The following SLC22A3 variants were observed in gnomAD, a reference collection of about 807,000 sequenced individuals.
SLC22A3 encodes the protein EMT organic cation transporter 3.
SLC22A3 carries 51 observed loss-of-function variants against 59.1 expected under a neutral mutation model. The ratio of observed to expected loss-of-function variants is 0.86; its 90% CI spans 0.69 to 1.09. The LOEUF (loss-of-function observed/expected upper bound fraction) is 1.09, where lower values mean the gene tolerates loss of function less well. SLC22A3 is among the 50% of genes least tolerant of loss of function. The probability of loss-of-function intolerance (pLI) is 0.00; values close to 1 mark genes in which losing one functional copy is unlikely to be tolerated. For synonymous variants in SLC22A3, 325 were observed against 292.0 expected, an observed-to-expected ratio of 1.11 and a Z score of -1.15; for missense variants, 711 against 726.3, an observed-to-expected ratio of 0.98 and a Z score of 0.24.
At chr6:160,366,792 A>G (rs930308541) in intron 1 of SLC22A3, among the ~76,000 whole-genome samples, 3 of 152,146 alleles carry the variant, frequency 2.0e-5, no homozygotes, top group East Asian at 1.9e-4. Context: ...AAAGCTGCCA[A>G]TGCTTAGGGC....
intron 7 of SLC22A3, among the ~76,000 whole-genome samples, chr6:160,442,344 G>A (rs188930405): frequency 5.3e-5 from 8 of 152,276 alleles, no homozygotes; most frequent in Non-Finnish European, 5.9e-5. Flanking sequence ...TGTCACCACC[G>A]CAAGGTATGC....
At chr6:160,374,002 T>G (rs1468838840) in intron 1 of SLC22A3, among the ~76,000 whole-genome samples, 1 of 152,166 alleles carries the variant, frequency 6.6e-6, no homozygotes. Context: ...CAGCCCCCTT[T>G]CCAGGGGAGA....
intron 5 of SLC22A3, among the ~76,000 whole-genome samples, chr6:160,430,354 CT>C (rs979811264): frequency 5.3e-5 from 8 of 152,066 alleles, no homozygotes; most frequent in Non-Finnish European, 1.2e-4. Context: ...CCCTGACTGT[CT>C]TTTTTCTGAC....
chr6:160,354,033 G>A (rs1352776267), intron 1 of SLC22A3, among the ~76,000 whole-genome samples: 1 of 152,200 alleles, frequency 6.6e-6, no homozygotes, highest in Non-Finnish European at 1.5e-5. Flanking sequence ...TAACTGGGGA[G>A]CGGGGGAAGC....
At chr6:160,357,482 A>G (rs1182455031) in intron 1 of SLC22A3, among the ~76,000 whole-genome samples, 6 of 152,184 alleles carry the variant, frequency 3.9e-5, no homozygotes, top group Non-Finnish European at 8.8e-5. Context: ...CCGTAAGCTG[A>G]TGCTTCTGAG....
At chr6:160,435,342 A>C (rs1178313709) in intron 5 of SLC22A3, among the ~76,000 whole-genome samples, 1 of 152,244 alleles carries the variant, frequency 6.6e-6, no homozygotes, top group Non-Finnish European at 1.5e-5. Context: ...CATGTTGTTT[A>C]AACTGGGACA....
At chr6:160,362,934 G>A (rs1004403481) in intron 1 of SLC22A3, among the ~76,000 whole-genome samples, 1 of 149,530 alleles carries the variant, frequency 6.7e-6, no homozygotes, top group African/African-American at 2.6e-5. Flanking sequence ...GGGACCCACG[G>A]ATACTTCGTT....
chr6:160,422,842 T>A (rs977031980), intron 5 of SLC22A3, among the ~76,000 whole-genome samples: 9 of 152,050 alleles, frequency 5.9e-5, no homozygotes, highest in South Asian at 4.2e-4. Context: ...TTTTTTTTTT[T>A]AAGTTATACT....
At chr6:160,450,872 C>A in intron 10 of SLC22A3, 124 bp from the exon 11 acceptor site, 1 of 901,282 alleles carries the variant, frequency 1.1e-6, no homozygotes, top group Non-Finnish European at 1.8e-6. Flanking sequence ...TTGTTGTTAC[C>A]TTAGAGTTGG....
chr6:160,409,521 A>C (rs971288037), intron 4 of SLC22A3, among the ~76,000 whole-genome samples: 4 of 147,694 alleles, frequency 2.7e-5, no homozygotes, highest in Admixed American at 6.8e-5. Context: ...ATTTATACTC[A>C]TTTGGGTATA....
At chr6:160,366,145 A>G (rs946271404) in intron 1 of SLC22A3, among the ~76,000 whole-genome samples, 1 of 152,124 alleles carries the variant, frequency 6.6e-6, no homozygotes, top group Non-Finnish European at 1.5e-5. Flanking sequence ...AAACACAATC[A>G]TGCCTTCCCA....
At chr6:160,416,084 T>C (rs945967683) in intron 5 of SLC22A3, among the ~76,000 whole-genome samples, 7 of 152,184 alleles carry the variant, frequency 4.6e-5, no homozygotes, top group African/African-American at 1.4e-4. Flanking sequence ...ACTCATTTCA[T>C]GGGTAGGCAA....
Position 160,443,696 on chromosome 6 carries a change from C to T in SLC22A3, c.1464C>T (p.Leu488=). The T allele has an allele frequency of 6.2e-7, 1 of 1,613,894 alleles. No homozygotes were observed. Among genetic ancestry groups the T allele is most frequent in the Non-Finnish European group, 8.5e-7 (1 of 1,179,888 alleles). Residue 488 remains leucine (L), a synonymous_variant, in exon 9 of 11, where the codon CTC becomes CTT. Transcript: ENST00000275300. ...DFGGIIAPFL[L]FRLAAVWLEL... is the part of the protein sequence containing the mutation. ...GGGGAATCATAGCCCCATTTCTGCT[C>T]TTTCGGCTAGCAGCCGTGTGGCTAG...
intron 5 of SLC22A3, among the ~76,000 whole-genome samples, chr6:160,432,779 A>T (rs2114907120): frequency 6.6e-6 from 1 of 152,334 alleles, no homozygotes; most frequent in Non-Finnish European, 1.5e-5. Flanking sequence ...TTAAACAATA[A>T]ATATCATATT....
rs1243362284 is a variant in SLC22A3, at chr6:160,451,388, T to G, written c.*332T>G. 3.7e-6 allele frequency: 1 copy of G among 273,520 alleles called. No individual in the cohort carries two copies. Among genetic ancestry groups the G allele is most frequent in the East Asian group, 7.8e-5 (1 of 12,818 alleles). 16.9% of individuals were successfully genotyped at this position (273,520 alleles called of 1,614,324 possible). On this transcript the variant is annotated 3_prime_UTR_variant, in exon 11 of 11. Coordinates refer to ENST00000275300, the MANE Select transcript of SLC22A3 (RefSeq NM_021977.4). ...GAGACAAGAGAAGCCCCCAACCTGA[T>G]TCTCATGACAGCTCCATCAAGAATG...
intron 1 of SLC22A3, among the ~76,000 whole-genome samples, chr6:160,370,419 A>C (rs1342581679): frequency 1.3e-5 from 2 of 152,202 alleles, no homozygotes; most frequent in Non-Finnish European, 2.9e-5. Flanking sequence ...TATCCACGTG[A>C]ATGTCTCTTC....
At chr6:160,367,767 T>C (rs1785257180) in intron 1 of SLC22A3, among the ~76,000 whole-genome samples, 1 of 152,012 alleles carries the variant, frequency 6.6e-6, no homozygotes, top group Non-Finnish European at 1.5e-5. Context: ...CTGTTACGGG[T>C]GCTGGGACAC....
chr6:160,348,704 G>A lies in SLC22A3; in HGVS notation c.285G>A (p.Leu95=). The A allele has an allele frequency of 6.6e-7, 1 of 1,521,690 alleles. No individual in the cohort carries two copies. The highest frequency in any genetic ancestry group is 8.8e-7 in the Non-Finnish European group (1 of 1,141,616). 94.3% of individuals were successfully genotyped at this position (1,521,690 alleles called of 1,614,324 possible). A position where few individuals can be genotyped will look rare whatever the true frequency, so the allele number is the denominator to read the frequency against. The change falls in exon 1 of 11, where the codon CTG becomes CTA. Residue 95 remains leucine, a synonymous_variant. Transcript: ENST00000275300. ...ERRGRCQRYL[L]EAANDSASAT... is the part of the protein sequence containing the mutation. ...GCGGCCGCTGCCAGCGCTACCTCCT[G>A]GAGGCGGCCAACGACAGCGCCTCCG...
chr6:160,374,045 C>A (rs1177820946), intron 1 of SLC22A3, among the ~76,000 whole-genome samples: 13 of 152,158 alleles, frequency 8.5e-5, no homozygotes, highest in Admixed American at 8.5e-4. Flanking sequence ...TTTGAAGCAC[C>A]ACTGGGGTAT....
Sources: allele counts gnomAD v4.1 joint callset (sites outside exome capture counted in the v4.1 genomes callset), GRCh38; gene constraint gnomAD v4.1.1; transcripts MANE v1.5; gene names NCBI Gene and HGNC (gene_info 2026-07-23, HGNC 2026-07-21).